The following IFT74 variants were observed in gnomAD, a reference collection of about 807,000 sequenced individuals.
IFT74 encodes the protein intraflagellar transport 74, also known as intraflagellar transport protein 74 homolog.
In IFT74, 92 loss-of-function variants were observed where a neutral mutation model predicts 96.7. That is an observed-to-expected ratio of 0.95 (90% CI 0.80 to 1.13). The LOEUF is 1.13. Ranked by LOEUF, IFT74 falls within the 50% of genes most tolerant of loss-of-function variation. The pLI is 0.00. For missense variants in IFT74, 811 were observed against 698.2 expected (o/e 1.16, Z -1.82); for synonymous variants, 223 against 213.2 (o/e 1.05, Z -0.40).
intron 8 of IFT74, chr9:26,997,681 A>G (rs1828238137): frequency 6.5e-7 from 1 of 1,530,358 alleles, no homozygotes; most frequent in African/African-American, 1.4e-5. Context: ...CTGTGGTGGA[A>G]CATTGAGTTA....
intron 2 of IFT74, 51 bp downstream of exon 2, chr9:26,962,138 A>G (rs1826394314): frequency 1.3e-6 from 2 of 1,592,526 alleles, no homozygotes; most frequent in Non-Finnish European, 8.6e-7. Flanking sequence ...TGGGAGGACC[A>G]CTTGAGTCCA....
intron 8 of IFT74, chr9:26,995,781 G>A: frequency 6.2e-7 from 1 of 1,613,804 alleles, no homozygotes; most frequent in Non-Finnish European, 8.5e-7. Context: ...AAAATGAGAA[G>A]TGAAGTCGTC....
intron 1 of IFT74, among the ~76,000 whole-genome samples, chr9:26,960,043 G>C (rs1826285433): frequency 6.6e-6 from 1 of 152,092 alleles, no homozygotes; most frequent in African/African-American, 2.4e-5. Context: ...AGAAGGAGGA[G>C]AGTTCTTAAA....
intron 16 of IFT74, among the ~76,000 whole-genome samples, chr9:27,053,343 T>C (rs766982410): frequency 5.3e-5 from 8 of 152,110 alleles, no homozygotes; most frequent in Non-Finnish European, 1.2e-4. Context: ...TGTAATCGAC[T>C]TCTTAGGGAA....
intron 2 of IFT74, among the ~76,000 whole-genome samples, chr9:26,963,894 G>T (rs1012610564): frequency 1.6e-4 from 25 of 152,148 alleles, no homozygotes; most frequent in Admixed American, 9.2e-4. Context: ...TTGCGAAAAT[G>T]TTCTCCCATT....
chr9:27,023,860 C>A (rs1206877881), intron 12 of IFT74, among the ~76,000 whole-genome samples: 1 of 152,192 alleles, frequency 6.6e-6, no homozygotes, highest in Non-Finnish European at 1.5e-5. Context: ...CCTAACCCTG[C>A]CCCGACCTGA....
chr9:27,028,839 G>A (rs1829990286), intron 12 of IFT74, 186 bp from the exon 13 acceptor site: 7 of 453,226 alleles, frequency 1.5e-5, no homozygotes, highest in East Asian at 1.2e-4. Context: ...GCTATTTTTC[G>A]ATATTTATGC....
intron 12 of IFT74, among the ~76,000 whole-genome samples, chr9:27,023,887 G>A (rs142304975): frequency 7.6e-4 from 116 of 152,120 alleles, no homozygotes; most frequent in Middle Eastern, 3.4e-3. Context: ...TTCTCTACCC[G>A]CCTCGTAGCC....
rs1828926606 is a variant in IFT74, at chr9:27,009,060, C to T, written c.628C>T (p.Gln210Ter). The change falls in exon 9 of 20, where the codon CAG becomes TAG. Residue 210 changes from glutamine to a stop codon, truncating the protein, a stop_gained. Transcript: ENST00000380062. LOFTEE classifies it high-confidence loss of function. ...QIRSVEEEIE[Q>*]EKQATDDIIK... ...CAGAAGTGTCGAAGAAGAAATTGAACAGGAAAAACAAGCAACAGATGACAT... is the reference window on the plus strand; with the variant it reads ...CAGAAGTGTCGAAGAAGAAATTGAATAGGAAAAACAAGCAACAGATGACAT... 5.0e-6 allele frequency: 8 copies of T among 1,612,426 alleles called. No homozygotes were observed. The highest frequency in any genetic ancestry group is 6.8e-6 in the Non-Finnish European group (8 of 1,178,974).
chr9:27,003,967 C>T (rs896690455), intron 8 of IFT74, among the ~76,000 whole-genome samples: 1 of 152,178 alleles, frequency 6.6e-6, no homozygotes, highest in Non-Finnish European at 1.5e-5. Flanking sequence ...GAAATTCTTA[C>T]TGATGTCTCT....
intron 8 of IFT74, chr9:26,999,770 CTTTTTTTTTT>C (rs1179000269): frequency 1.7e-4 from 57 of 340,200 alleles, no homozygotes; most frequent in African/African-American, 4.2e-4. Flanking sequence ...TCTGTTTATT[CTTTTTTTTTT>C]TTTTTTTTTT....
chr9:27,015,589 A>G (rs1829299899), intron 10 of IFT74, among the ~76,000 whole-genome samples: 1 of 152,178 alleles, frequency 6.6e-6, no homozygotes. Context: ...GTGAGCCAAG[A>G]TCGCACCACT....
intron 11 of IFT74, among the ~76,000 whole-genome samples, chr9:27,017,311 C>T (rs1829393655): frequency 6.6e-6 from 1 of 152,116 alleles, no homozygotes. Flanking sequence ...TAGCCCTGAG[C>T]TGCTGGCCTC....
intron 2 of IFT74, among the ~76,000 whole-genome samples, chr9:26,975,710 G>C (rs547987464): frequency 5.9e-5 from 9 of 152,250 alleles, no homozygotes; most frequent in Middle Eastern, 3.4e-3. Flanking sequence ...CGTCCTTTCA[G>C]AAGCTCACTG....
chr9:27,049,870 ATTATAT>A (rs1016015962), intron 16 of IFT74, among the ~76,000 whole-genome samples: 3 of 152,182 alleles, frequency 2.0e-5, no homozygotes, highest in Admixed American at 2.0e-4. Context: ...GACAGTATAT[ATTATAT>A]TTATATAAAG....
chr9:26,972,265 T>C (rs761384997), intron 2 of IFT74, among the ~76,000 whole-genome samples: 2 of 152,224 alleles, frequency 1.3e-5, no homozygotes, highest in African/African-American at 2.4e-5. Context: ...TCTCTATTTT[T>C]TGGTTTAAGA....
chr9:26,967,639 A>G (rs1365400169), intron 2 of IFT74, among the ~76,000 whole-genome samples: 1 of 152,124 alleles, frequency 6.6e-6, no homozygotes, highest in African/African-American at 2.4e-5. Flanking sequence ...GTTGAATAAC[A>G]GTGGTGAAAG....
chr9:27,012,240 A>G (rs1433823810), intron 10 of IFT74, among the ~76,000 whole-genome samples: 1 of 152,134 alleles, frequency 6.6e-6, no homozygotes, highest in Non-Finnish European at 1.5e-5. Context: ...TTATTTTTTT[A>G]GAGACAGAGT....
At chr9:27,025,456 A>AG (rs1267856396) in intron 12 of IFT74, among the ~76,000 whole-genome samples, 1 of 151,214 alleles carries the variant, frequency 6.6e-6, no homozygotes, top group Admixed American at 6.6e-5. Context: ...AAAAAAAAAA[A>AG]AAAAAAAGAA....
Sources: allele counts gnomAD v4.1 joint callset (sites outside exome capture counted in the v4.1 genomes callset), GRCh38; gene constraint gnomAD v4.1.1; transcripts MANE v1.5; gene names NCBI Gene and HGNC (gene_info 2026-07-23, HGNC 2026-07-21).